Variants in NLGN1 observed in about 807,000 individuals in gnomAD.
The protein encoded by NLGN1 is neuroligin-1.
Under a neutral mutation model 65.5 loss-of-function variants are expected in NLGN1, and 12 were observed. The ratio of observed to expected loss-of-function variants is 0.18; its 90% CI spans 0.12 to 0.30. The LOEUF (loss-of-function observed/expected upper bound fraction) is 0.30, where lower values mean the gene tolerates loss of function less well. Among genes scored for constraint, NLGN1 ranks in the 10% least tolerant of loss-of-function variants. The pLI is 1.00. For synonymous variants in NLGN1, 350 were observed against 359.5 expected (o/e 0.97, Z 0.30); for missense variants, 750 against 1,007.1 (o/e 0.74, Z 3.46).
chr3:173,954,712 C>T (rs1711557272), intron 4 of NLGN1, among the ~76,000 whole-genome samples: 1 of 152,104 alleles, frequency 6.6e-6, no homozygotes, highest in Non-Finnish European at 1.5e-5. Context: ...GGTTTAGACA[C>T]AGAGGACAAA....
chr3:173,802,143 ATT>A (rs74594581), intron 3 of NLGN1, among the ~76,000 whole-genome samples: 1 of 150,308 alleles, frequency 6.7e-6, no homozygotes, highest in African/African-American at 2.4e-5. Context: ...ATTTAATGTG[ATT>A]TTTTTTTTCC....
intron 3 of NLGN1, among the ~76,000 whole-genome samples, chr3:173,716,212 C>G (rs1351317666): frequency 6.6e-6 from 1 of 152,118 alleles, no homozygotes; most frequent in Admixed American, 6.6e-5. Context: ...TTAATCTTTA[C>G]AAGCATTTCT....
chr3:174,067,084 T>TAAATAACTCCTTCAGATAAAGAAA (rs1423344891), intron 4 of NLGN1, among the ~76,000 whole-genome samples: 9 of 152,076 alleles, frequency 5.9e-5, no homozygotes, highest in African/African-American at 1.9e-4. Context: ...GAAGTTACCT[T>TAAATAACTCCTTCAGATAAAGAAA]AAATAACTCC....
chr3:173,396,073 G>C (rs1359913718), upstream of NLGN1, among the ~76,000 whole-genome samples: 2 of 152,020 alleles, frequency 1.3e-5, no homozygotes, highest in African/African-American at 4.8e-5. Context: ...CGGCGGCGGC[G>C]GCGGCGGCGG....
intron 1 of NLGN1, among the ~76,000 whole-genome samples, chr3:173,413,058 T>G (rs1376275802): frequency 1.3e-5 from 2 of 152,280 alleles, no homozygotes; most frequent in East Asian, 3.9e-4. Flanking sequence ...CTTTTCTTTT[T>G]AAGAGTCTTT....
intron 4 of NLGN1, among the ~76,000 whole-genome samples, chr3:174,274,797 A>G (rs753751339): frequency 1.3e-5 from 2 of 151,714 alleles, no homozygotes; most frequent in Non-Finnish European, 2.9e-5. Flanking sequence ...AGAGTTCTAT[A>G]TAATTTCATG....
At chr3:173,921,867 A>T (rs1196924266) in intron 4 of NLGN1, among the ~76,000 whole-genome samples, 2 of 152,144 alleles carry the variant, frequency 1.3e-5, no homozygotes, top group African/African-American at 4.8e-5. Flanking sequence ...TGGCTGACTG[A>T]AACAGACCCT....
chr3:173,450,576 T>C (rs1045715419), intron 2 of NLGN1, among the ~76,000 whole-genome samples: 1 of 152,168 alleles, frequency 6.6e-6, no homozygotes, highest in Non-Finnish European at 1.5e-5. Context: ...CTTTGTGGCA[T>C]TCTCTGTATT....
intron 4 of NLGN1, among the ~76,000 whole-genome samples, chr3:174,085,871 G>A (rs566344413): frequency 6.6e-6 from 1 of 151,702 alleles, no homozygotes; most frequent in African/African-American, 2.4e-5. Flanking sequence ...AAACATAATC[G>A]CGGTTTTTGC....
chr3:173,853,249 G>A (rs1727323639), intron 4 of NLGN1, among the ~76,000 whole-genome samples: 1 of 152,148 alleles, frequency 6.6e-6, no homozygotes, highest in Non-Finnish European at 1.5e-5. Flanking sequence ...ACTACTTGTA[G>A]CATATGGAAA....
chr3:173,737,971 T>C (rs1201122067), intron 3 of NLGN1, among the ~76,000 whole-genome samples: 1 of 152,096 alleles, frequency 6.6e-6, no homozygotes, highest in Non-Finnish European at 1.5e-5. Context: ...TCATATCTCA[T>C]TGGGTTTTGA....
intron 3 of NLGN1, among the ~76,000 whole-genome samples, chr3:173,794,908 G>A (rs9874225): frequency 0.72 from 108,734 of 151,986 alleles, 39,377 homozygotes; most frequent in Non-Finnish European, 0.78. Flanking sequence ...GCTCTTCTCA[G>A]TGTACTAGAG....
At chr3:173,727,499 T>C (rs1772000989) in intron 3 of NLGN1, among the ~76,000 whole-genome samples, 1 of 152,086 alleles carries the variant, frequency 6.6e-6, no homozygotes, top group East Asian at 1.9e-4. Flanking sequence ...CCTTAAACTA[T>C]CTCCTGGAAA....
chr3:173,566,480 T>C (rs1049969085), intron 2 of NLGN1, among the ~76,000 whole-genome samples: 1 of 152,206 alleles, frequency 6.6e-6, no homozygotes, highest in African/African-American at 2.4e-5. Flanking sequence ...TAATACCCAT[T>C]AATAAAATTC....
At chr3:173,847,874 A>T (rs1449888892) in intron 4 of NLGN1, among the ~76,000 whole-genome samples, 1 of 152,188 alleles carries the variant, frequency 6.6e-6, no homozygotes, top group Non-Finnish European at 1.5e-5. Context: ...TCCATTTCAA[A>T]AAATAAATAA....
intron 3 of NLGN1, among the ~76,000 whole-genome samples, chr3:173,692,836 T>A (rs1322161607): frequency 1.3e-5 from 2 of 152,112 alleles, no homozygotes; most frequent in Non-Finnish European, 2.9e-5. Context: ...TGAACAGGGT[T>A]AAATGCATTG....
At chr3:173,866,373 CA>C (rs1730161492) in intron 4 of NLGN1, among the ~76,000 whole-genome samples, 2 of 151,362 alleles carry the variant, frequency 1.3e-5, no homozygotes, top group African/African-American at 4.9e-5. Context: ...AACAAACAAA[CA>C]AAAAAAGGCA....
intron 3 of NLGN1, among the ~76,000 whole-genome samples, chr3:173,694,132 A>T (rs1765858453): frequency 6.6e-6 from 1 of 152,068 alleles, no homozygotes; most frequent in African/African-American, 2.4e-5. Flanking sequence ...ATTTTGTATG[A>T]TTTATATTGC....
chr3:173,718,088 G>A (rs1029639737), intron 3 of NLGN1, among the ~76,000 whole-genome samples: 5 of 151,944 alleles, frequency 3.3e-5, no homozygotes, highest in Admixed American at 2.0e-4. Flanking sequence ...TATGTGTAGC[G>A]ATCAAATTAG....
Sources: allele counts gnomAD v4.1 joint callset (sites outside exome capture counted in the v4.1 genomes callset), GRCh38; gene constraint gnomAD v4.1.1; transcripts MANE v1.5; gene names NCBI Gene and HGNC (gene_info 2026-07-23, HGNC 2026-07-21).